The following SLAMF1 variants were observed in gnomAD, a reference collection of about 807,000 sequenced individuals.
SLAMF1 encodes the protein signaling lymphocytic activation molecule family member 1, also known as signaling lymphocytic activation molecule.
Under a neutral mutation model 35.1 loss-of-function variants are expected in SLAMF1, and 18 were observed. That is an observed-to-expected ratio of 0.51 (90% CI 0.35 to 0.76). The LOEUF is 0.76. Ranked by LOEUF, SLAMF1 falls within the 30% of genes least tolerant of loss-of-function variation. The probability of loss-of-function intolerance (pLI) is 0.01; values close to 1 mark genes in which losing one functional copy is unlikely to be tolerated. For missense variants in SLAMF1, 392 were observed against 413.0 expected, an observed-to-expected ratio of 0.95 and a Z score of 0.44; for synonymous variants, 168 against 157.2, an observed-to-expected ratio of 1.07 and a Z score of -0.51.
chr1:160,623,952 C>T (rs1340695230), intron 4 of SLAMF1, 144 bp downstream of exon 4: 1 of 639,050 alleles, frequency 1.6e-6, no homozygotes, highest in Non-Finnish European at 2.7e-6. Flanking sequence ...AAGCAAGGTC[C>T]CAGGATATGT....
At chr1:160,614,575 C>CAA (rs58447871) in intron 5 of SLAMF1, among the ~76,000 whole-genome samples, 29 of 140,704 alleles carry the variant, frequency 2.1e-4, no homozygotes, top group Non-Finnish European at 3.2e-4. Context: ...TCCGCATCAC[C>CAA]AAAAAAAAAA....
chr1:160,629,388 A>G lies in SLAMF1; in HGVS notation c.701-5203T>C, dbSNP rs369969061. On this transcript the variant is annotated intron_variant, in intron 3 of 6. Coordinates refer to ENST00000302035, the MANE Select transcript of SLAMF1 (RefSeq NM_003037.5). The stretch of plus-strand genomic sequence containing the variant: ...GAAGATGAAAAAGAAAACTAAAAAG[A>G]ATCTGAGAAACAAATGCAGTTCACC... Among the ~76,000 whole-genome samples the G allele has an allele frequency of 7.0e-4, 106 of 152,168 alleles. 3 individuals carry two copies. The South Asian group carries it at 0.021, about 30-fold the overall frequency.
chr1:160,614,540 C>T (rs551377587), intron 5 of SLAMF1, among the ~76,000 whole-genome samples: 1 of 150,674 alleles, frequency 6.6e-6, no homozygotes, highest in African/African-American at 2.4e-5. Context: ...CGCCACAGCA[C>T]TCTAGCCTGG....
At chr1:160,643,954 T>C (rs760097633) in intron 1 of SLAMF1, among the ~76,000 whole-genome samples, 3 of 152,228 alleles carry the variant, frequency 2.0e-5, no homozygotes, top group Non-Finnish European at 2.9e-5. Flanking sequence ...TCTTGTGTAC[T>C]GTTGAAGTTT....
At position 160,646,795 on chromosome 1, in the gene SLAMF1, C is replaced by G. The variant is rs1661059614; in HGVS notation, c.76+75G>C. ...AACACAATACCCAGCCCTGCACCTT[C>G]TCTCCATCCACGAAGATACGCTGAT... On this transcript the variant is annotated intron_variant, in intron 1 of 6. Coordinates refer to ENST00000302035, the MANE Select transcript of SLAMF1 (RefSeq NM_003037.5). The G allele has an allele frequency of 6.1e-6, 5 of 816,070 alleles. 1 individual carries two copies. In the South Asian group the frequency reaches 7.1e-5, roughly 12 times the overall value. 50.6% of individuals were successfully genotyped at this position (816,070 alleles called of 1,614,324 possible).
chr1:160,628,017 C>T (rs1028691026), intron 3 of SLAMF1, among the ~76,000 whole-genome samples: 7 of 152,138 alleles, frequency 4.6e-5, no homozygotes, highest in African/African-American at 1.7e-4. Context: ...CCTGCTGCCA[C>T]GTAAGACATG....
chr1:160,619,208 C>T (rs986417479), intron 5 of SLAMF1, among the ~76,000 whole-genome samples: 1 of 152,182 alleles, frequency 6.6e-6, no homozygotes, highest in Non-Finnish European at 1.5e-5. Context: ...TTCCTTCAAG[C>T]ATATCTGCTT....
At chr1:160,639,024 G>A (rs972532936) in intron 1 of SLAMF1, among the ~76,000 whole-genome samples, 4 of 152,108 alleles carry the variant, frequency 2.6e-5, no homozygotes, top group African/African-American at 9.7e-5. Flanking sequence ...ATGCTACAGG[G>A]TTATATCTCC....
chr1:160,622,586 G>GTATC (rs201725532), intron 4 of SLAMF1, among the ~76,000 whole-genome samples: 1 of 152,030 alleles, frequency 6.6e-6, no homozygotes, highest in African/African-American at 2.4e-5. Flanking sequence ...ATCTGTCTAT[G>GTATC]TATCTATCTA....
At position 160,610,618 on chromosome 1, in the gene SLAMF1, G is replaced by A; in HGVS notation, c.*130C>T. 1 of 693,130 alleles carries A rather than the reference G, an allele frequency of 1.4e-6. No homozygotes were observed. Among genetic ancestry groups the A allele is most frequent in the Non-Finnish European group, 2.6e-6 (1 of 381,508 alleles). 42.9% of individuals were successfully genotyped at this position (693,130 alleles called of 1,614,324 possible). A position where few individuals can be genotyped will look rare whatever the true frequency, so the allele number is the denominator to read the frequency against. Reference sequence around the variant, plus strand: ...ATGTATGTGGAAGAAACATCACCAGGGAGTTGATCTGAGAAGGGTACAGAC... The same window carrying A: ...ATGTATGTGGAAGAAACATCACCAGAGAGTTGATCTGAGAAGGGTACAGAC... On this transcript the variant is annotated 3_prime_UTR_variant, in exon 7 of 7. Transcript: ENST00000302035.
intron 3 of SLAMF1, among the ~76,000 whole-genome samples, chr1:160,627,286 T>C (rs1226385490): frequency 6.6e-6 from 1 of 152,222 alleles, no homozygotes; most frequent in Non-Finnish European, 1.5e-5. Flanking sequence ...GGTCAGTAAG[T>C]GTCAATTACT....
rs1660791354 is a variant in SLAMF1, at chr1:160,642,292, G to GGAA, written c.76+4577_76+4578insTTC. On this transcript the variant is annotated intron_variant, in intron 1 of 6. Coordinates refer to ENST00000302035, the MANE Select transcript of SLAMF1 (RefSeq NM_003037.5). The surrounding 1 kb of genome is among the most constrained non-coding windows in gnomAD (Gnocchi z 4.2). The stretch of plus-strand genomic sequence containing the variant: ...GTATGTACGTTCCCTAGCCTTAGAG[G>GGAA]CTATAACCACTCTTTATTTGCCTAG... Among the ~76,000 whole-genome samples the GGAA allele has an allele frequency of 6.6e-6, 1 of 152,132 alleles. No individual in the cohort carries two copies. Among genetic ancestry groups the GGAA allele is most frequent in the Admixed American group, 6.5e-5 (1 of 15,272 alleles).
intron 3 of SLAMF1, among the ~76,000 whole-genome samples, chr1:160,631,407 A>T (rs1156803883): frequency 6.6e-6 from 1 of 152,212 alleles, no homozygotes; most frequent in Non-Finnish European, 1.5e-5. Flanking sequence ...CCTTATTTGG[A>T]CATAGCGTCT....
intron 3 of SLAMF1, among the ~76,000 whole-genome samples, chr1:160,629,531 A>G (rs1212348002): frequency 6.6e-6 from 1 of 152,168 alleles, no homozygotes; most frequent in Non-Finnish European, 1.5e-5. Context: ...TGTTCGTGGC[A>G]GTTTCCATTC....
intron 1 of SLAMF1, among the ~76,000 whole-genome samples, chr1:160,645,195 A>T (rs1660974848): frequency 6.6e-6 from 1 of 152,218 alleles, no homozygotes; most frequent in Non-Finnish European, 1.5e-5. Flanking sequence ...GCTGAGTAGA[A>T]ATGAGAATGG....
intron 2 of SLAMF1, 104 bp downstream of exon 2, chr1:160,637,087 T>C: frequency 1.4e-6 from 1 of 723,452 alleles, no homozygotes; most frequent in African/African-American, 1.8e-5. Flanking sequence ...TCATTCTAGT[T>C]ACTTCCAATT....
intron 2 of SLAMF1, among the ~76,000 whole-genome samples, chr1:160,635,780 CACCA>C (rs1660422417): frequency 1.3e-5 from 2 of 151,700 alleles, no homozygotes; most frequent in South Asian, 4.2e-4. Flanking sequence ...GGGGTTTCAC[CACCA>C]TAGCCAGGAT....
rs1250542360 is a variant in SLAMF1, at chr1:160,634,753, G to T, written c.560C>A (p.Pro187Gln). Residue 187 changes from proline (P) to glutamine (Q), a missense_variant, in exon 3 of 7, where the codon CCA (proline) becomes CAA (glutamine). Transcript: ENST00000302035. ...SEKAGTHPLN[P>Q]ANSSHLLSLT... is the part of the protein sequence containing the mutation. ...GGACAGGAGGTGGGAGCTGTTGGCT[G>T]GGTTCAGTGGGTGGGTGCCCGCCTT... The T allele has an allele frequency of 2.5e-6, 4 of 1,614,186 alleles. No homozygotes were observed. Among genetic ancestry groups the T allele is most frequent in the Non-Finnish European group, 3.4e-6 (4 of 1,180,036 alleles).
At chr1:160,617,308 C>T (rs11265451) in intron 5 of SLAMF1, among the ~76,000 whole-genome samples, 59,014 of 152,018 alleles carry the variant, frequency 0.39, 13,174 homozygotes, top group East Asian at 0.65. Context: ...GTTCTACTTC[C>T]AGGTATATCT....
Sources: gnomAD v4.1 joint callset for allele counts (sites outside exome capture counted in the v4.1 genomes callset) on GRCh38, gnomAD v4.1.1 for gene constraint, Gnocchi (gnomAD v3.1) non-coding constraint, MANE v1.5 for transcripts, NCBI Gene and HGNC (gene_info 2026-07-23, HGNC 2026-07-21) for gene names.